Variants in ITGAE observed in about 807,000 individuals in gnomAD.
ITGAE encodes the protein integrin subunit alpha E, also known as integrin alpha-E.
ITGAE carries 99 observed loss-of-function variants against 136.5 expected under a neutral mutation model. That is an observed-to-expected ratio of 0.73 (90% CI 0.62 to 0.86). The LOEUF (loss-of-function observed/expected upper bound fraction) is 0.86, where lower values mean the gene tolerates loss of function less well. ITGAE is among the 40% of genes least tolerant of loss of function. The probability of loss-of-function intolerance (pLI) is 0.00; values close to 1 mark genes in which losing one functional copy is unlikely to be tolerated. For synonymous variants in ITGAE, 613 were observed against 591.8 expected (o/e 1.04, Z -0.52); for missense variants, 1,447 against 1,515.3 (o/e 0.95, Z 0.75).
At chr17:3,720,179 G>C (rs956499288) in intron 29 of ITGAE, 128 bp downstream of exon 29, 5 of 582,670 alleles carry the variant, frequency 8.6e-6, no homozygotes, top group Non-Finnish European at 1.5e-5. Flanking sequence ...CAAAGGCAGC[G>C]ATGGCAGAGC....
intron 22 of ITGAE, 128 bp downstream of exon 22, chr17:3,732,240 C>T: frequency 1.4e-6 from 1 of 737,910 alleles, no homozygotes; most frequent in Non-Finnish European, 2.4e-6. Context: ...CCACTGTAAG[C>T]ACTGCTGGGG....
At chr17:3,724,936 C>T (rs935086372) in intron 26 of ITGAE, 7 of 1,613,742 alleles carry the variant, frequency 4.3e-6, no homozygotes, top group Non-Finnish European at 5.9e-6. Context: ...CTGGAGAGAA[C>T]TAGATCAAGC....
intron 21 of ITGAE, among the ~76,000 whole-genome samples, chr17:3,734,449 G>C (rs1036899574): frequency 2.0e-5 from 3 of 152,190 alleles, no homozygotes; most frequent in Non-Finnish European, 4.4e-5. Context: ...GGGTGTCCTC[G>C]GGAAACAGAC....
At position 3,724,168 on chromosome 17, in the gene ITGAE, G is replaced by A. The variant is rs1199495393; in HGVS notation, c.3085-424C>T. The A allele has an allele frequency of 3.1e-6, 5 of 1,592,824 alleles. No individual in the cohort carries two copies. Among genetic ancestry groups the A allele is most frequent in the Non-Finnish European group, 4.2e-6 (5 of 1,176,634 alleles). On this transcript the variant is annotated intron_variant, in intron 26 of 30. Coordinates refer to ENST00000263087, the MANE Select transcript of ITGAE (RefSeq NM_002208.5). Reference sequence around the variant, plus strand: ...GACTTCCCCGGCAGCCCGGTGAGGCGGCGGCGGAGGCGTCCCGGCGGCCGA... The same window carrying A: ...GACTTCCCCGGCAGCCCGGTGAGGCAGCGGCGGAGGCGTCCCGGCGGCCGA...
In ITGAE at chr17:3,755,904, G is replaced by A; in HGVS notation, c.1172-7C>T. 5 of 1,590,512 alleles carry A rather than the reference G, an allele frequency of 3.1e-6. No individual in the cohort carries two copies. Among genetic ancestry groups the A allele is most frequent in the Non-Finnish European group, 4.3e-6 (5 of 1,168,318 alleles). ...AGGGCGTCTCCAACCGTGCCTGCAA[G>A]CCAAGAAGCCCAGTGAGACTGCTGT... On this transcript the variant is annotated splice_polypyrimidine_tract_variant and splice_region_variant and intron_variant, in intron 10 of 30. Coordinates refer to ENST00000263087, the MANE Select transcript of ITGAE (RefSeq NM_002208.5).
chr17:3,743,656 G>A, intron 18 of ITGAE, 39 bp from the exon 19 acceptor site: 1 of 1,581,806 alleles, frequency 6.3e-7, no homozygotes, highest in South Asian at 1.2e-5. Context: ...AGAGTTGGAT[G>A]TGGGGGAGAA....
intron 19 of ITGAE, 38 bp from the exon 20 acceptor site, chr17:3,739,916 C>T (rs781079637): frequency 1.2e-5 from 19 of 1,551,992 alleles, no homozygotes; most frequent in East Asian, 2.2e-5. Context: ...GCCCAGGCTC[C>T]GCCTTCCCCA....
intron 8 of ITGAE, among the ~76,000 whole-genome samples, chr17:3,758,907 C>T (rs1307499329): frequency 6.6e-6 from 1 of 151,322 alleles, no homozygotes; most frequent in Non-Finnish European, 1.5e-5. Flanking sequence ...GGGCGGATCA[C>T]GAGGTCAGGA....
At chr17:3,759,131 A>AG (rs1436675583) in intron 8 of ITGAE, among the ~76,000 whole-genome samples, 1 of 129,714 alleles carries the variant, frequency 7.7e-6, no homozygotes, top group East Asian at 2.1e-4. Context: ...TCTCAAAAAA[A>AG]AAAACAAAAA....
chr17:3,716,732 C>G lies in ITGAE; in HGVS notation c.3400G>C (p.Gly1134Arg), dbSNP rs2050950111. The G allele has an allele frequency of 1.2e-6, 2 of 1,612,036 alleles. No homozygotes were observed. Among genetic ancestry groups the G allele is most frequent in the African/African-American group, 2.7e-5 (2 of 75,004 alleles). ...ATCACGATCAACACCAGAAGTCCACCAACGCTGCCTTTAATGATGATAGGC... is the reference window on the plus strand; with the variant it reads ...ATCACGATCAACACCAGAAGTCCACGAACGCTGCCTTTAATGATGATAGGC... ...SLPIIIKGSV[G>R]GLLVLIVILV... The change falls in exon 30 of 31, where the codon GGT becomes CGT. Residue 1134 changes from glycine (G) to arginine (R), a missense_variant. Gly to Arg is a moderately radical substitution (Grantham distance 125). This residue lies in a region of ITGAE where 1,031 missense variants were observed against 1,011.4 expected (regional missense o/e 1.02). Coordinates refer to ENST00000263087, the MANE Select transcript of ITGAE (RefSeq NM_002208.5).
chr17:3,788,094 T>C (rs2052842653), intron 1 of ITGAE, among the ~76,000 whole-genome samples: 1 of 152,202 alleles, frequency 6.6e-6, no homozygotes, highest in South Asian at 2.1e-4. Flanking sequence ...CATGCCTTTT[T>C]CTTATTGATT....
chr17:3,764,941 G>C (rs575568856), intron 2 of ITGAE, among the ~76,000 whole-genome samples: 1 of 152,282 alleles, frequency 6.6e-6, no homozygotes, highest in South Asian at 2.1e-4. Context: ...GGTGGGGAGG[G>C]GACGAGGGGC....
intron 26 of ITGAE, chr17:3,724,366 G>C (rs1387077205): frequency 6.2e-7 from 1 of 1,603,864 alleles, no homozygotes; most frequent in Non-Finnish European, 8.5e-7. Context: ...CGCGACTCCG[G>C]CCGCCTCAGC....
chr17:3,758,725 T>C (rs1390543000), intron 8 of ITGAE, among the ~76,000 whole-genome samples: 9 of 151,808 alleles, frequency 5.9e-5, no homozygotes, highest in Non-Finnish European at 8.8e-5. Context: ...GTGCTGGGAT[T>C]ACAAGCATGA....
intron 24 of ITGAE, among the ~76,000 whole-genome samples, chr17:3,728,790 G>A (rs958672438): frequency 6.6e-6 from 1 of 151,632 alleles, no homozygotes; most frequent in Non-Finnish European, 1.5e-5. Flanking sequence ...CCAGCACTTT[G>A]GGAGGCCGAG....
At chr17:3,716,899 A>AC in intron 29 of ITGAE, 101 bp from the exon 30 acceptor site, 1 of 675,368 alleles carries the variant, frequency 1.5e-6, no homozygotes, top group Non-Finnish European at 2.6e-6. Flanking sequence ...CTTGGCAACA[A>AC]CCCGTGTATT....
At chr17:3,715,496 T>C (rs2050924988) in intron 30 of ITGAE, among the ~76,000 whole-genome samples, 1 of 152,148 alleles carries the variant, frequency 6.6e-6, no homozygotes, top group Admixed American at 6.6e-5. Flanking sequence ...AGGGCATTCC[T>C]GACAAGAAAA....
At chr17:3,725,194 G>C (rs1279436571) in intron 26 of ITGAE, 1 of 1,614,058 alleles carries the variant, frequency 6.2e-7, no homozygotes, top group Non-Finnish European at 8.5e-7. Flanking sequence ...CTATCAGAAT[G>C]TTCAAACCGG....
chr17:3,762,978 C>T (rs557363240), intron 3 of ITGAE, among the ~76,000 whole-genome samples: 1 of 152,058 alleles, frequency 6.6e-6, no homozygotes, highest in African/African-American at 2.4e-5. Context: ...CTGTAACCTC[C>T]ACCTCCTGGG....
Sources: gnomAD v4.1 joint callset for allele counts (sites outside exome capture counted in the v4.1 genomes callset) on GRCh38, gnomAD v4.1.1 for gene constraint, gnomAD v4.1.1 regional missense constraint, MANE v1.5 for transcripts, NCBI Gene and HGNC (gene_info 2026-07-23, HGNC 2026-07-21) for gene names.